Variants in TBC1D5 observed in about 807,000 individuals in gnomAD.
TBC1D5 encodes TBC1 domain family, member 5.
In TBC1D5, 75 loss-of-function variants were observed where a neutral mutation model predicts 100.3. That is an observed-to-expected ratio of 0.75 (90% confidence interval 0.62 to 0.91). TBC1D5 has a LOEUF of 0.91. Ranked by LOEUF, TBC1D5 falls within the 40% of genes least tolerant of loss-of-function variation. The pLI, the probability that TBC1D5 is intolerant of heterozygous loss-of-function variation, is 0.00. For missense variants in TBC1D5, 910 were observed against 942.4 expected, an observed-to-expected ratio of 0.97 and a Z score of 0.45; for synonymous variants, 323 against 325.6, an observed-to-expected ratio of 0.99 and a Z score of 0.09.
At chr3:17,208,130 C>T (rs989130452) in intron 18 of TBC1D5, among the ~76,000 whole-genome samples, 18 of 152,352 alleles carry the variant, frequency 1.2e-4, no homozygotes, top group African/African-American at 4.3e-4. Flanking sequence ...GGTAGGTACC[C>T]AGTCATAGGT....
chr3:17,522,003 T>C (rs1158508511), intron 2 of TBC1D5, among the ~76,000 whole-genome samples: 1 of 152,066 alleles, frequency 6.6e-6, no homozygotes, highest in Admixed American at 6.5e-5. Context: ...TCAGTATAAA[T>C]ATGCAAATGT....
At chr3:17,374,893 G>C (rs17029249) in intron 10 of TBC1D5, among the ~76,000 whole-genome samples, 13,704 of 152,058 alleles carry the variant, frequency 0.09, 1,418 homozygotes, top group African/African-American at 0.26. Context: ...GCCTCTATGC[G>C]ACATGAACTA....
intron 15 of TBC1D5, among the ~76,000 whole-genome samples, chr3:17,285,482 G>A (rs1001656138): frequency 5.3e-5 from 8 of 151,522 alleles, no homozygotes; most frequent in East Asian, 3.9e-4. Context: ...GGATGGTCTC[G>A]ATCTCCTGAC....
Position 17,647,279 on chromosome 3 carries a change from T to C in TBC1D5, c.-100-23366A>G, listed in dbSNP as rs566323287. The stretch of plus-strand genomic sequence containing the variant: ...ACCACAGAAAACAAAGCAAAGTTCC[T>C]ACCCTCATGAAGCTTACAAGCTTAC... On this transcript the variant is annotated intron_variant, in intron 1 of 21. Transcript: ENST00000253692. 8.5e-5 allele frequency among the ~76,000 whole-genome samples: 13 copies of C among 152,244 alleles called. No individual in the cohort carries two copies. The East Asian group carries it at 2.5e-3, about 29-fold the overall frequency.
At chr3:17,602,560 G>GTT (rs2061031559) in intron 2 of TBC1D5, among the ~76,000 whole-genome samples, 2 of 114,094 alleles carry the variant, frequency 1.8e-5, no homozygotes, top group African/African-American at 3.3e-5. Flanking sequence ...GAGAGAATCA[G>GTT]ATTTTTTTTT....
chr3:17,466,740 G>C (rs2095307122), intron 3 of TBC1D5, among the ~76,000 whole-genome samples: 1 of 151,426 alleles, frequency 6.6e-6, no homozygotes, highest in African/African-American at 2.4e-5. Context: ...TGATTTTACT[G>C]GCTTAACACC....
At chr3:17,717,787 A>G (rs1415104456) in intron 1 of TBC1D5, among the ~76,000 whole-genome samples, 2 of 152,190 alleles carry the variant, frequency 1.3e-5, no homozygotes, top group Non-Finnish European at 2.9e-5. Context: ...TAAGGAATAT[A>G]TTTTATATCA....
chr3:17,622,727 A>G (rs2062769313), intron 2 of TBC1D5: 1 of 152,120 alleles, frequency 6.6e-6, no homozygotes, highest in African/African-American at 2.4e-5. Flanking sequence ...TGCTTTCCGG[A>G]TTTATGTGAC....
chr3:17,694,229 C>A (rs983006733), intron 1 of TBC1D5, among the ~76,000 whole-genome samples: 1 of 152,194 alleles, frequency 6.6e-6, no homozygotes. Flanking sequence ...TGGAATAAAG[C>A]TGTACAGAGA....
chr3:17,531,756 T>C (rs2096229182), intron 2 of TBC1D5, among the ~76,000 whole-genome samples: 1 of 152,168 alleles, frequency 6.6e-6, no homozygotes, highest in Non-Finnish European at 1.5e-5. Flanking sequence ...ATTTAATAAA[T>C]GGTGCTGGGA....
chr3:17,287,387 T>C (rs951902552), intron 15 of TBC1D5, among the ~76,000 whole-genome samples: 2 of 152,202 alleles, frequency 1.3e-5, no homozygotes, highest in South Asian at 4.1e-4. Flanking sequence ...CAAGGTGCCG[T>C]GGGAACTCAA....
chr3:17,507,118 T>C (rs1262849262), intron 3 of TBC1D5, among the ~76,000 whole-genome samples: 1 of 152,252 alleles, frequency 6.6e-6, no homozygotes, highest in Non-Finnish European at 1.5e-5. Flanking sequence ...TTTATACACT[T>C]GTAACACAAA....
At chr3:17,573,668 C>A (rs184849012) in intron 2 of TBC1D5, among the ~76,000 whole-genome samples, 13 of 152,130 alleles carry the variant, frequency 8.5e-5, no homozygotes, top group Non-Finnish European at 1.8e-4. Context: ...TGGGCCACCC[C>A]AGGCAGTATT....
intron 1 of TBC1D5, among the ~76,000 whole-genome samples, chr3:17,703,232 T>G (rs1026671073): frequency 1.9e-4 from 29 of 150,722 alleles, no homozygotes; most frequent in African/African-American, 7.0e-4. Context: ...TTTTACTCAA[T>G]TATAATTACA....
chr3:17,529,091 A>G (rs530611522), intron 2 of TBC1D5, among the ~76,000 whole-genome samples: 1 of 152,278 alleles, frequency 6.6e-6, no homozygotes, highest in Admixed American at 6.5e-5. Context: ...GATTTTTAAA[A>G]CAGTAAATCT....
chr3:17,201,646 A>G (rs1392423134), intron 18 of TBC1D5, among the ~76,000 whole-genome samples: 2 of 151,986 alleles, frequency 1.3e-5, no homozygotes, highest in African/African-American at 2.4e-5. Context: ...ACAGGGGTGG[A>G]TTTCGCCCTT....
At chr3:17,521,738 A>G (rs1322226493) in intron 2 of TBC1D5, among the ~76,000 whole-genome samples, 1 of 152,206 alleles carries the variant, frequency 6.6e-6, no homozygotes, top group African/African-American at 2.4e-5. Context: ...TCTTTCATTC[A>G]TGAATTAACA....
At chr3:17,730,377 C>G (rs1312225051) in intron 1 of TBC1D5, among the ~76,000 whole-genome samples, 1 of 152,280 alleles carries the variant, frequency 6.6e-6, no homozygotes, top group East Asian at 1.9e-4. Flanking sequence ...CCTAGCCTAG[C>G]CTTTAAGGGG....
intron 13 of TBC1D5, among the ~76,000 whole-genome samples, chr3:17,369,875 C>T (rs1458323597): frequency 4.6e-5 from 7 of 151,936 alleles, no homozygotes; most frequent in Admixed American, 4.6e-4. Flanking sequence ...GTAATCTATT[C>T]TTCAAAGATT....
Sources: allele counts gnomAD v4.1 joint callset (sites outside exome capture counted in the v4.1 genomes callset), GRCh38; gene constraint gnomAD v4.1.1; transcripts MANE v1.5; gene names NCBI Gene and HGNC (gene_info 2026-07-23, HGNC 2026-07-21).